The following JPT1 variants were observed in gnomAD, a reference collection of about 807,000 sequenced individuals.
JPT1 encodes androgen-regulated protein 2.
In JPT1, 5 loss-of-function variants were observed where a neutral mutation model predicts 17.0. The ratio of observed to expected loss-of-function variants is 0.29; its 90% CI spans 0.15 to 0.62. The LOEUF is 0.62. Among genes scored for constraint, JPT1 ranks in the 20% least tolerant of loss-of-function variants. The pLI is 0.85. For synonymous variants in JPT1, 71 were observed against 73.6 expected, an observed-to-expected ratio of 0.96 and a Z score of 0.18; for missense variants, 158 against 188.1, an observed-to-expected ratio of 0.84 and a Z score of 0.94.
chr17:75,149,886 T>TACACA (rs1568036664), intron 1 of JPT1, among the ~76,000 whole-genome samples: 1 of 128,748 alleles, frequency 7.8e-6, no homozygotes, highest in Non-Finnish European at 1.7e-5. Context: ...CACACACACT[T>TACACA]AAGTCAGCTT....
chr17:75,136,015 T>C lies in JPT1; in HGVS notation c.*87A>G, dbSNP rs1376792083. On this transcript the variant is annotated 3_prime_UTR_variant, in exon 5 of 5. Coordinates refer to ENST00000409753, the MANE Select transcript of JPT1 (RefSeq NM_016185.4). ...AAGTGCTTCTTTTTAATGAAACAAA[T>C]CCAAGAGATGTACAGTCAGGCTCAA... The C allele has an allele frequency of 6.2e-7, 1 of 1,607,612 alleles. No homozygotes were observed. Among genetic ancestry groups the C allele is most frequent in the Non-Finnish European group, 8.5e-7 (1 of 1,177,380 alleles).
chr17:75,137,279 A>G (rs2074216018), intron 4 of JPT1, among the ~76,000 whole-genome samples: 1 of 152,248 alleles, frequency 6.6e-6, no homozygotes, highest in Non-Finnish European at 1.5e-5. Flanking sequence ...TTTCTATGAA[A>G]GGAAACTTTT....
At chr17:75,151,384 G>A (rs544789623) in intron 1 of JPT1, among the ~76,000 whole-genome samples, 31 of 151,986 alleles carry the variant, frequency 2.0e-4, no homozygotes, top group African/African-American at 7.5e-4. Flanking sequence ...AAGGTCAGGA[G>A]CGGTGGCTCA....
intron 1 of JPT1, chr17:75,153,354 A>G (rs2074582737): frequency 6.6e-6 from 1 of 152,148 alleles, no homozygotes; most frequent in South Asian, 2.1e-4. Flanking sequence ...CCAAGCCCAA[A>G]AAGCAGTGGG....
intron 1 of JPT1, among the ~76,000 whole-genome samples, chr17:75,149,557 C>T (rs151022847): frequency 0.011 from 1,614 of 151,632 alleles, 29 homozygotes; most frequent in South Asian, 0.084. Flanking sequence ...TTAGTAGAGA[C>T]GGGGTTTCAC....
At chr17:75,137,534 T>TTG (rs2074224967) in intron 4 of JPT1, among the ~76,000 whole-genome samples, 2 of 150,398 alleles carry the variant, frequency 1.3e-5, no homozygotes, top group African/African-American at 4.9e-5. Flanking sequence ...TTTTGTTTTT[T>TTG]TTTTTTTTTT....
chr17:75,144,848 C>T (rs1018723539), intron 4 of JPT1, among the ~76,000 whole-genome samples: 3 of 152,030 alleles, frequency 2.0e-5, no homozygotes, highest in Non-Finnish European at 4.4e-5. Context: ...CAGGTGTCGT[C>T]TTCTGTGTTG....
intron 4 of JPT1, among the ~76,000 whole-genome samples, chr17:75,143,226 TAC>T (rs771348044): frequency 1.3e-4 from 20 of 152,168 alleles, no homozygotes; most frequent in Admixed American, 2.6e-4. Flanking sequence ...CGTATTTCTG[TAC>T]AGTTGTCAAT....
chr17:75,144,651 G>A (rs1328657112), intron 4 of JPT1, among the ~76,000 whole-genome samples: 3 of 152,182 alleles, frequency 2.0e-5, no homozygotes, highest in Non-Finnish European at 4.4e-5. Flanking sequence ...TTTGAAGCCA[G>A]TCGGTCAGAA....
chr17:75,136,492 T>TTTTTG lies in JPT1; in HGVS notation c.317-247_317-243dup, dbSNP rs201962690. 7.5e-3 allele frequency among the ~76,000 whole-genome samples: 1,143 copies of TTTTTG among 152,254 alleles called. 12 individuals carry two copies. The highest frequency in any genetic ancestry group is 0.026 in the African/African-American group (1,098 of 41,532). On this transcript the variant is annotated intron_variant, in intron 4 of 4. Coordinates refer to ENST00000409753, the MANE Select transcript of JPT1 (RefSeq NM_016185.4). ...CAAATATATAAGGACATGAAGTTTTTTTTTGTTTTGTTTTGTTTTTTGACG... is the reference window on the plus strand; with the variant it reads ...CAAATATATAAGGACATGAAGTTTTTTTTTGTTTTGTTTTGTTTTGTTTTTTGACG...
chr17:75,151,141 C>G (rs553000657), intron 1 of JPT1, among the ~76,000 whole-genome samples: 103 of 151,846 alleles, frequency 6.8e-4, no homozygotes, highest in Non-Finnish European at 1.3e-3. Context: ...CGTGAGCCAC[C>G]GCGCCCGGCC....
At chr17:75,142,181 G>T (rs1423945316) in intron 4 of JPT1, among the ~76,000 whole-genome samples, 1 of 152,166 alleles carries the variant, frequency 6.6e-6, no homozygotes, top group Non-Finnish European at 1.5e-5. Flanking sequence ...ACTTCTAGTT[G>T]TATTAACTGA....
At chr17:75,152,388 GTT>G (rs1239400298) in intron 1 of JPT1, among the ~76,000 whole-genome samples, 2 of 152,072 alleles carry the variant, frequency 1.3e-5, no homozygotes, top group Non-Finnish European at 2.9e-5. Context: ...TTTATAACGA[GTT>G]TATGGGGCCA....
chr17:75,136,077 A>C lies in JPT1; in HGVS notation c.*25T>G. 6.2e-7 allele frequency: 1 copy of C among 1,614,222 alleles called. No individual in the cohort carries two copies. Among genetic ancestry groups the C allele is most frequent in the Non-Finnish European group, 8.5e-7 (1 of 1,180,026 alleles). On this transcript the variant is annotated 3_prime_UTR_variant, in exon 5 of 5. Coordinates refer to ENST00000409753, the MANE Select transcript of JPT1 (RefSeq NM_016185.4). Reference sequence around the variant, plus strand: ...CACAAGCATGGAGGAAACAGACAGAACGACAGCGTTCAGGACAGTCAGAGC... The same window carrying C: ...CACAAGCATGGAGGAAACAGACAGACCGACAGCGTTCAGGACAGTCAGAGC...
chr17:75,136,050 T>A lies in JPT1; in HGVS notation c.*52A>T. 6.2e-7 allele frequency: 1 copy of A among 1,613,650 alleles called. No individual in the cohort carries two copies. The highest frequency in any genetic ancestry group is 8.5e-7 in the Non-Finnish European group (1 of 1,179,980). On this transcript the variant is annotated 3_prime_UTR_variant, in exon 5 of 5. Coordinates refer to ENST00000409753, the MANE Select transcript of JPT1 (RefSeq NM_016185.4). ...GTACAGTCAGGCTCAAGTTGTGCAG[T>A]TCACAAGCATGGAGGAAACAGACAG...
At chr17:75,142,579 G>A (rs1195901502) in intron 4 of JPT1, among the ~76,000 whole-genome samples, 2 of 86,762 alleles carry the variant, frequency 2.3e-5, no homozygotes, top group Non-Finnish European at 2.3e-5. Context: ...GGAGGGGAGA[G>A]GGAGGGAGAG....
At chr17:75,138,609 T>C (rs1229571205) in intron 4 of JPT1, 3 of 152,024 alleles carry the variant, frequency 2.0e-5, no homozygotes, top group Non-Finnish European at 2.9e-5. Context: ...GGTTTCACCA[T>C]GTTGGCCAGG....
intron 3 of JPT1, among the ~76,000 whole-genome samples, chr17:75,147,011 T>C (rs2074451808): frequency 1.3e-5 from 2 of 152,156 alleles, no homozygotes; most frequent in African/African-American, 4.8e-5. Flanking sequence ...CTCTCTCCTT[T>C]CCCCGATAAG....
chr17:75,142,753 C>T, intron 4 of JPT1: 1 of 455,956 alleles, frequency 2.2e-6, no homozygotes, highest in Non-Finnish European at 4.4e-6. Flanking sequence ...ATCAAAAAAC[C>T]TAGATTTTAC....
Sources: gnomAD v4.1 joint callset for allele counts (sites outside exome capture counted in the v4.1 genomes callset) on GRCh38, gnomAD v4.1.1 for gene constraint, MANE v1.5 for transcripts, NCBI Gene and HGNC (gene_info 2026-07-23, HGNC 2026-07-21) for gene names.